RASSF2: variants seen among roughly 807,000 people sequenced by gnomAD.
RASSF2 encodes Ras association domain family member 2, also known as ras association domain-containing protein 2.
Under a neutral mutation model 46.3 loss-of-function variants are expected in RASSF2, and 34 were observed. The observed-to-expected ratio is 0.73, with a 90% confidence interval of 0.56 to 0.98. The LOEUF is 0.98. Among genes scored for constraint, RASSF2 ranks in the 50% least tolerant of loss-of-function variants. RASSF2 has a pLI of 0.00. For synonymous variants in RASSF2, 158 were observed against 162.5 expected (o/e 0.97, Z 0.21); for missense variants, 364 against 431.2 (o/e 0.84, Z 1.38).
Position 4,784,055 on chromosome 20 carries a change from C to G in RASSF2, c.*218G>C. ...TTTGGGTCCTCCTTATAACTAAAATCAAAAGTCCTTGTGAGCAGAAAAAAG... is the reference window on the plus strand; with the variant it reads ...TTTGGGTCCTCCTTATAACTAAAATGAAAAGTCCTTGTGAGCAGAAAAAAG... On this transcript the variant is annotated 3_prime_UTR_variant, in exon 12 of 12. Transcript: ENST00000379400. The G allele has an allele frequency of 1.7e-6, 1 of 585,424 alleles. No individual in the cohort carries two copies. The highest frequency in any genetic ancestry group is 3.1e-6 in the Non-Finnish European group (1 of 326,542). The allele number at this position is 585,424 out of a possible 1,614,324, so 36.3% of individuals were successfully genotyped here. A position where few individuals can be genotyped will look rare whatever the true frequency, so the allele number is the denominator to read the frequency against.
intron 8 of RASSF2, among the ~76,000 whole-genome samples, chr20:4,788,736 C>G (rs917941778): frequency 6.6e-6 from 1 of 152,214 alleles, no homozygotes; most frequent in African/African-American, 2.4e-5. Context: ...TATAATCTTA[C>G]GGGACCACTG....
intron 2 of RASSF2, among the ~76,000 whole-genome samples, chr20:4,801,386 C>T (rs546540418): frequency 6.6e-6 from 1 of 152,298 alleles, no homozygotes; most frequent in East Asian, 1.9e-4. Context: ...TCTGAAGAGA[C>T]CGTCACAACA....
intron 2 of RASSF2, among the ~76,000 whole-genome samples, chr20:4,802,335 A>G (rs1366710314): frequency 6.6e-6 from 1 of 152,146 alleles, no homozygotes; most frequent in Admixed American, 6.5e-5. Context: ...TACCCCAGTG[A>G]TGATGACCAA....
chr20:4,798,346 G>A (rs934687525), intron 3 of RASSF2, among the ~76,000 whole-genome samples: 4 of 152,134 alleles, frequency 2.6e-5, no homozygotes, highest in African/African-American at 9.7e-5. Flanking sequence ...AGGACACCAA[G>A]GCAGGCCTCG....
chr20:4,795,923 C>A lies in RASSF2; in HGVS notation c.179G>T (p.Trp60Leu), dbSNP rs1370198314. Residue 60 changes from tryptophan (W) to leucine (L), a missense_variant, in exon 5 of 12, where the codon TGG (tryptophan) becomes TTG (leucine). Trp to Leu is a moderately conservative substitution (Grantham distance 61). Transcript: ENST00000379400. This position sits in a 1 kb window ranked among gnomAD's most constrained non-coding sequence, Gnocchi z 4.0. ...CAGGCGAATGGGCCGGCGCAGGCCC[C>A]AGGAGATGTTCAGGAGCCCCTCCAC... is the stretch of plus-strand genomic sequence containing the variant. The part of the protein sequence containing the change: ...FIVEGLLNIS[W>L]GLRRPIRLQM... 6.3e-7 allele frequency: 1 copy of A among 1,580,018 alleles called. No individual in the cohort carries two copies. Among genetic ancestry groups the A allele is most frequent in the South Asian group, 1.1e-5 (1 of 88,650 alleles).
chr20:4,786,995 A>G (rs1925410349), intron 10 of RASSF2, among the ~76,000 whole-genome samples: 1 of 151,938 alleles, frequency 6.6e-6, no homozygotes, highest in Non-Finnish European at 1.5e-5. Context: ...AGGCAGGAAA[A>G]TAGCTTGAAC....
intron 4 of RASSF2, among the ~76,000 whole-genome samples, chr20:4,796,759 T>C (rs1926388480): frequency 6.6e-6 from 1 of 152,240 alleles, no homozygotes; most frequent in African/African-American, 2.4e-5. Context: ...GCACTTTTAA[T>C]CATTTATTCT....
rs554346028 is a variant in RASSF2, at chr20:4,784,065, T to A, written c.*208A>T. On this transcript the variant is annotated 3_prime_UTR_variant, in exon 12 of 12. Transcript: ENST00000379400. ...CCTTATAACTAAAATCAAAAGTCCT[T>A]GTGAGCAGAAAAAAGGAGGGCAGGG... The A allele has an allele frequency of 8.4e-6, 5 of 595,826 alleles. No homozygotes were observed. The African/African-American group carries it at 9.3e-5, about 11-fold the overall frequency. The allele number at this position is 595,826 out of a possible 1,614,324, so 36.9% of individuals were successfully genotyped here.
chr20:4,791,852 A>C (rs1925905290), intron 6 of RASSF2, among the ~76,000 whole-genome samples: 1 of 152,260 alleles, frequency 6.6e-6, no homozygotes, highest in African/African-American at 2.4e-5. Flanking sequence ...GTAAAGAATA[A>C]GGAAGTTCTT....
intron 2 of RASSF2, among the ~76,000 whole-genome samples, chr20:4,801,409 T>C (rs1926858113): frequency 6.6e-6 from 1 of 152,058 alleles, no homozygotes; most frequent in Admixed American, 6.5e-5. Flanking sequence ...GAATAGAGAG[T>C]TATCTCAGGG....
chr20:4,816,821 T>C (rs534340548), intron 2 of RASSF2, among the ~76,000 whole-genome samples: 3 of 152,200 alleles, frequency 2.0e-5, no homozygotes, highest in South Asian at 2.1e-4. Context: ...CTTAAAAATA[T>C]ATCATATTCT....
intron 2 of RASSF2, among the ~76,000 whole-genome samples, chr20:4,805,574 G>A (rs117380394): frequency 0.013 from 2,030 of 152,030 alleles, 23 homozygotes; most frequent in South Asian, 0.039. Flanking sequence ...CATTTTTCTC[G>A]GCAGCAAGAG....
chr20:4,809,656 C>G (rs1161984964), intron 2 of RASSF2, among the ~76,000 whole-genome samples: 3 of 152,224 alleles, frequency 2.0e-5, no homozygotes, highest in African/African-American at 7.2e-5. Flanking sequence ...GGACACTAAC[C>G]TGCTACCTTA....
At chr20:4,815,077 G>A (rs1053965321) in intron 2 of RASSF2, 5 of 152,256 alleles carry the variant, frequency 3.3e-5, no homozygotes, top group African/African-American at 1.2e-4. Flanking sequence ...CACTGGAGGA[G>A]CCGTGGGCGC....
intron 10 of RASSF2, 32 bp from the exon 11 acceptor site, chr20:4,786,360 C>T (rs1490716748): frequency 1.4e-6 from 2 of 1,469,926 alleles, no homozygotes; most frequent in Non-Finnish European, 1.9e-6. Context: ...TGGGTGAATG[C>T]CCTTCCCAGC....
intron 6 of RASSF2, among the ~76,000 whole-genome samples, chr20:4,792,279 A>AGGGGAGGGGG (rs1925951208): frequency 7.8e-5 from 1 of 12,810 alleles, no homozygotes; most frequent in Non-Finnish European, 1.5e-4. Context: ...AGGGGAGGGG[A>AGGGGAGGGGG]GGGGAGGGGG....
intron 5 of RASSF2, among the ~76,000 whole-genome samples, chr20:4,794,712 CA>C (rs1223794883): frequency 6.6e-6 from 1 of 152,124 alleles, no homozygotes; most frequent in African/African-American, 2.4e-5. Context: ...TTGTCTCAAA[CA>C]AAACAAAACA....
In RASSF2 at chr20:4,812,588, C is replaced by T. The variant is rs1196953880; in HGVS notation, c.-33+9741G>A. Among the ~76,000 whole-genome samples, 2 of 152,204 alleles carry T rather than the reference C, an allele frequency of 1.3e-5. No homozygotes were observed. Among genetic ancestry groups the T allele is most frequent in the Non-Finnish European group, 2.9e-5 (2 of 68,038 alleles). ...CGAGGGCTCGTTAAAATACAGATTG[C>T]AGGTCCCTTTGCCCCAGTTTCTGAT... On this transcript the variant is annotated intron_variant, in intron 2 of 11. Transcript: ENST00000379400. The surrounding 1 kb of genome is among the most constrained non-coding windows in gnomAD (Gnocchi z 4.0).
intron 2 of RASSF2, among the ~76,000 whole-genome samples, chr20:4,820,639 T>C (rs965833731): frequency 3.3e-5 from 5 of 152,036 alleles, no homozygotes; most frequent in African/African-American, 1.2e-4. Flanking sequence ...ATTAGGGAGG[T>C]AGCAGGAGGG....
Sources: allele counts gnomAD v4.1 joint callset (sites outside exome capture counted in the v4.1 genomes callset), GRCh38; gene constraint gnomAD v4.1.1; non-coding constraint Gnocchi (gnomAD v3.1); transcripts MANE v1.5; gene names NCBI Gene and HGNC (gene_info 2026-07-23, HGNC 2026-07-21).